The following USH2A variants were observed in gnomAD, a reference collection of about 807,000 sequenced individuals.
USH2A encodes the protein Usher syndrome 2A (autosomal recessive, mild).
USH2A carries 443 observed loss-of-function variants against 538.9 expected under a neutral mutation model. The observed-to-expected ratio is 0.82, with a 90% confidence interval of 0.76 to 0.89. USH2A has a LOEUF of 0.89. Ranked by LOEUF, USH2A falls within the 40% of genes least tolerant of loss-of-function variation. USH2A has a pLI of 0.00. For missense variants in USH2A, 6,633 were observed against 6,324.8 expected (o/e 1.05, Z -1.65); for synonymous variants, 2,413 against 2,273.5 (o/e 1.06, Z -1.75).
chr1:215,747,907 C>T (rs1660521588), intron 58 of USH2A, among the ~76,000 whole-genome samples: 2 of 142,580 alleles, frequency 1.4e-5, no homozygotes, highest in Non-Finnish European at 3.0e-5. Flanking sequence ...TTTTTTGAGA[C>T]GGAGTCTCGC....
Position 215,798,919 on chromosome 1 carries a change from T to G in USH2A, c.9946A>C (p.Asn3316His). 1 of 1,614,082 alleles carries G rather than the reference T, an allele frequency of 6.2e-7. No homozygotes were observed. The highest frequency in any genetic ancestry group is 1.1e-5 in the South Asian group (1 of 91,082). ...CTGGGCCCCTTACCTGGAAGGCGAT[T>G]GTACACCACTCCTTCTTCTCCACCA... ...CCGGEEGVVY[N>H]RLPGMFCCGQ... The change falls in exon 50 of 72, where the codon AAT becomes CAT. Residue 3316 changes from asparagine to histidine, a missense_variant. Coordinates refer to ENST00000307340, the MANE Select transcript of USH2A (RefSeq NM_206933.4).
At chr1:216,048,694 T>C (rs1342659243) in intron 30 of USH2A, 47 bp from the exon 31 acceptor site, 1 of 1,464,426 alleles carries the variant, frequency 6.8e-7, no homozygotes, top group East Asian at 2.3e-5. Context: ...ACCATAAGCA[T>C]CAATAAAGAG....
intron 3 of USH2A, among the ~76,000 whole-genome samples, chr1:216,370,099 C>CTG (rs2038677519): frequency 6.6e-6 from 1 of 152,116 alleles, no homozygotes; most frequent in South Asian, 2.1e-4. Flanking sequence ...TGGCGCGTGC[C>CTG]TGTAATCCCA....
intron 49 of USH2A, among the ~76,000 whole-genome samples, chr1:215,802,529 A>G (rs1000328360): frequency 6.6e-6 from 1 of 152,098 alleles, no homozygotes; most frequent in Non-Finnish European, 1.5e-5. Flanking sequence ...CAATATTAGT[A>G]ATAAGTAGGG....
intron 47 of USH2A, among the ~76,000 whole-genome samples, chr1:215,820,898 T>C (rs1662994145): frequency 6.6e-6 from 1 of 151,666 alleles, no homozygotes; most frequent in Admixed American, 6.6e-5. Context: ...GTTCCATCCA[T>C]GTTGCTGTAA....
chr1:216,339,770 A>C (rs2038040565), intron 4 of USH2A, among the ~76,000 whole-genome samples: 1 of 152,018 alleles, frequency 6.6e-6, no homozygotes, highest in Admixed American at 6.6e-5. Context: ...GACATCAAGA[A>C]GTTCTTTGAA....
At chr1:216,320,184 C>G (rs2037579472) in intron 9 of USH2A, among the ~76,000 whole-genome samples, 1 of 152,006 alleles carries the variant, frequency 6.6e-6, no homozygotes, top group East Asian at 1.9e-4. Flanking sequence ...TCATGAAGTG[C>G]CTTCCCTTCA....
chr1:215,802,127 G>A (rs1037107206), intron 49 of USH2A, among the ~76,000 whole-genome samples: 2 of 151,442 alleles, frequency 1.3e-5, no homozygotes, highest in Non-Finnish European at 2.9e-5. Context: ...AACTCAAAAT[G>A]GATCAAAGAT....
chr1:216,361,066 C>T (rs2038481788), intron 4 of USH2A, among the ~76,000 whole-genome samples: 2 of 151,990 alleles, frequency 1.3e-5, no homozygotes, highest in African/African-American at 4.8e-5. Context: ...AGACAGATCA[C>T]TGGGGCAGAA....
chr1:216,251,348 TCAATG>T (rs1370129753), intron 11 of USH2A, among the ~76,000 whole-genome samples: 1 of 151,058 alleles, frequency 6.6e-6, no homozygotes, highest in East Asian at 1.9e-4. Flanking sequence ...AATTAACCAT[TCAATG>T]CTATATAAAG....
At chr1:215,866,879 T>C (rs1032155210) in intron 44 of USH2A, 128 bp downstream of exon 44, 1 of 1,300,158 alleles carries the variant, frequency 7.7e-7, no homozygotes, top group Non-Finnish European at 1.1e-6. Context: ...CAATCTGCAA[T>C]TGGTAAAAAT....
At chr1:215,736,448 T>C (rs542783013) in intron 60 of USH2A, among the ~76,000 whole-genome samples, 162 of 152,260 alleles carry the variant, frequency 1.1e-3, no homozygotes, top group African/African-American at 3.6e-3. Context: ...ACATTTCAAA[T>C]CAGTGGATTA....
intron 71 of USH2A, among the ~76,000 whole-genome samples, chr1:215,626,440 G>T (rs1656028097): frequency 6.6e-6 from 1 of 151,656 alleles, no homozygotes; most frequent in African/African-American, 2.4e-5. Context: ...CATATATATG[G>T]ATTTAGTTCA....
At chr1:216,371,776 A>G (rs1411391994) in intron 3 of USH2A, among the ~76,000 whole-genome samples, 1 of 152,178 alleles carries the variant, frequency 6.6e-6, no homozygotes, top group Non-Finnish European at 1.5e-5. Flanking sequence ...CTTAATAAAC[A>G]CTAACTGATT....
At chr1:216,019,223 G>A (rs1668787815) in intron 32 of USH2A, among the ~76,000 whole-genome samples, 1 of 152,130 alleles carries the variant, frequency 6.6e-6, no homozygotes, top group Admixed American at 6.6e-5. Context: ...AAGACATTCT[G>A]GATGGGAAGA....
At chr1:216,001,991 A>T (rs1489440926) in intron 32 of USH2A, among the ~76,000 whole-genome samples, 1 of 152,188 alleles carries the variant, frequency 6.6e-6, no homozygotes, top group Non-Finnish European at 1.5e-5. Context: ...GGGCACTCCC[A>T]TTCAATGTAG....
At chr1:216,419,076 T>G (rs2039631167) in intron 2 of USH2A, among the ~76,000 whole-genome samples, 1 of 152,026 alleles carries the variant, frequency 6.6e-6, no homozygotes, top group South Asian at 2.1e-4. Flanking sequence ...GTGCAAAAAT[T>G]TTTTTTTAAT....
chr1:216,281,346 G>T (rs1380613276), intron 11 of USH2A, among the ~76,000 whole-genome samples: 1 of 151,702 alleles, frequency 6.6e-6, no homozygotes, highest in Non-Finnish European at 1.5e-5. Context: ...AAGCAGATTT[G>T]GAAAGAGAAA....
At chr1:215,814,435 CAGA>C (rs1662799547) in intron 48 of USH2A, among the ~76,000 whole-genome samples, 2 of 151,538 alleles carry the variant, frequency 1.3e-5, no homozygotes, top group Non-Finnish European at 2.9e-5. Flanking sequence ...TGAAAGACAA[CAGA>C]AGAAGTTAAT....
Sources: gnomAD v4.1 joint callset for allele counts (sites outside exome capture counted in the v4.1 genomes callset) on GRCh38, gnomAD v4.1.1 for gene constraint, MANE v1.5 for transcripts, NCBI Gene and HGNC (gene_info 2026-07-23, HGNC 2026-07-21) for gene names.